CFAP43: variants seen among roughly 807,000 people sequenced by gnomAD.
The protein encoded by CFAP43 is cilia and flagella associated protein 43.
CFAP43 carries 155 observed loss-of-function variants against 218.9 expected under a neutral mutation model. The ratio of observed to expected loss-of-function variants is 0.71; its 90% CI spans 0.62 to 0.81. The LOEUF (loss-of-function observed/expected upper bound fraction) is 0.81, where lower values mean the gene tolerates loss of function less well. Among genes scored for constraint, CFAP43 ranks in the 30% least tolerant of loss-of-function variants. The probability of loss-of-function intolerance (pLI) is 0.00; values close to 1 mark genes in which losing one functional copy is unlikely to be tolerated. For missense variants in CFAP43, 1,778 were observed against 1,954.3 expected (o/e 0.91, Z 1.70); for synonymous variants, 645 against 681.3 (o/e 0.95, Z 0.83).
chr10:104,148,855 A>G (rs982832101), intron 28 of CFAP43, among the ~76,000 whole-genome samples: 3 of 152,228 alleles, frequency 2.0e-5, no homozygotes, highest in Admixed American at 2.0e-4. Context: ...TAGCCACTTC[A>G]GTATAACTTA....
chr10:104,145,861 ACTC>A (rs546408113), intron 30 of CFAP43, among the ~76,000 whole-genome samples: 215 of 152,244 alleles, frequency 1.4e-3, no homozygotes, highest in African/African-American at 5.1e-3. Context: ...CATGAATGTT[ACTC>A]TATTCTTTTC....
chr10:104,130,073 C>A lies in CFAP43; in HGVS notation c.*66G>T. ...TTCCCAGTAAGAAAGAAAAGGAAATCATTTTACCCAAATGAAATGATTTTT... is the reference window on the plus strand; with the variant it reads ...TTCCCAGTAAGAAAGAAAAGGAAATAATTTTACCCAAATGAAATGATTTTT... On this transcript the variant is annotated 3_prime_UTR_variant, in exon 38 of 38. Coordinates refer to ENST00000357060, the MANE Select transcript of CFAP43 (RefSeq NM_025145.7). 1 of 1,490,348 alleles carries A rather than the reference C, an allele frequency of 6.7e-7. No homozygotes were observed. Among genetic ancestry groups the A allele is most frequent in the Non-Finnish European group, 8.9e-7 (1 of 1,120,156 alleles). The allele number at this position is 1,490,348 out of a possible 1,614,324, so 92.3% of individuals were successfully genotyped here.
chr10:104,182,084 T>C (rs1262470895), intron 17 of CFAP43, among the ~76,000 whole-genome samples: 2 of 152,224 alleles, frequency 1.3e-5, no homozygotes, highest in Non-Finnish European at 2.9e-5. Flanking sequence ...AGAGAGACCA[T>C]TTTGACCAAG....
At chr10:104,146,852 A>G (rs544996769) in intron 29 of CFAP43, among the ~76,000 whole-genome samples, 1 of 152,194 alleles carries the variant, frequency 6.6e-6, no homozygotes, top group Admixed American at 6.5e-5. Flanking sequence ...ACCTAGGACC[A>G]TCCAGAGAAA....
intron 10 of CFAP43, among the ~76,000 whole-genome samples, chr10:104,195,316 A>G (rs185863502): frequency 3.9e-5 from 6 of 152,144 alleles, no homozygotes; most frequent in African/African-American, 4.8e-5. Context: ...TCCTGATTAT[A>G]TGGGCCCCTG....
chr10:104,200,362 G>A lies in CFAP43; in HGVS notation c.1096-2324C>T, dbSNP rs549020211. ...GAACAAACAGCCCAACCCTCAGTTC[G>A]GTCCGGGAACAAAGGTAACTTTAGA... is the stretch of plus-strand genomic sequence containing the variant. On this transcript the variant is annotated intron_variant, in intron 8 of 37. Coordinates refer to ENST00000357060, the MANE Select transcript of CFAP43 (RefSeq NM_025145.7). 3.9e-5 allele frequency among the ~76,000 whole-genome samples: 6 copies of A among 152,122 alleles called. No homozygotes were observed. The East Asian group carries it at 7.7e-4, about 20-fold the overall frequency.
At chr10:104,184,897 C>A in intron 16 of CFAP43, 119 bp downstream of exon 16, 1 of 1,454,178 alleles carries the variant, frequency 6.9e-7, no homozygotes, top group South Asian at 1.4e-5. Context: ...GTATAACAAA[C>A]TTTCTTTGCA....
chr10:104,168,956 TAG>T lies in CFAP43; in HGVS notation c.2587-110_2587-109del, dbSNP rs556288054. The T allele has an allele frequency of 4.6e-4, 396 of 856,992 alleles. 1 individual carries two copies. The highest frequency in any genetic ancestry group is 6.8e-4 in the Non-Finnish European group (367 of 539,750). The allele number at this position is 856,992 out of a possible 1,614,324, so 53.1% of individuals were successfully genotyped here. A position where few individuals can be genotyped will look rare whatever the true frequency, so the allele number is the denominator to read the frequency against. On this transcript the variant is annotated intron_variant, in intron 20 of 37. Transcript: ENST00000357060. ...TAGCCATTAACTGCACCTTCAGTGG[TAG>T]AGTTTGTCTTTCTCCAACACTTTGA...
intron 3 of CFAP43, among the ~76,000 whole-genome samples, chr10:104,219,261 A>C (rs1415660522): frequency 6.6e-6 from 1 of 152,072 alleles, no homozygotes; most frequent in Non-Finnish European, 1.5e-5. Flanking sequence ...ATATTTAGTC[A>C]GTTACAAGTC....
chr10:104,206,166 C>G, intron 6 of CFAP43, 136 bp from the exon 7 acceptor site: 1 of 658,574 alleles, frequency 1.5e-6, no homozygotes, highest in Non-Finnish European at 2.6e-6. Context: ...ATCTATGTAA[C>G]TAACATAGAT....
intron 3 of CFAP43, chr10:104,218,932 A>T (rs606697): frequency 0.22 from 97,899 of 452,042 alleles, 11,055 homozygotes; most frequent in South Asian, 0.23. Flanking sequence ...CACCACACCA[A>T]CCACAGCTGC....
chr10:104,192,130 T>C (rs1313569101), intron 12 of CFAP43, 69 bp downstream of exon 12: 6 of 1,194,622 alleles, frequency 5.0e-6, no homozygotes, highest in Admixed American at 4.6e-5. Context: ...ATATGAAAAG[T>C]CCATTTTCAT....
rs2090312994 is a variant in CFAP43, at chr10:104,194,024, A to G, written c.1294-10T>C. ...AAGCCAGAACCGTTGCCTGTTTAAA[A>G]TAAACCCCAGATGCGTATCTCTATT... On this transcript the variant is annotated splice_polypyrimidine_tract_variant and intron_variant, in intron 10 of 37. Transcript: ENST00000357060. 1.2e-6 allele frequency: 2 copies of G among 1,612,212 alleles called. No individual in the cohort carries two copies. Among genetic ancestry groups the G allele is most frequent in the East Asian group, 4.5e-5 (2 of 44,872 alleles).
At chr10:104,141,354 G>A (rs538636980) in intron 33 of CFAP43, among the ~76,000 whole-genome samples, 3 of 152,332 alleles carry the variant, frequency 2.0e-5, no homozygotes, top group South Asian at 2.1e-4. Context: ...GCTCATGCCT[G>A]TAATCCCAGC....
At chr10:104,211,494 C>T (rs2090861095) in intron 5 of CFAP43, among the ~76,000 whole-genome samples, 1 of 152,220 alleles carries the variant, frequency 6.6e-6, no homozygotes. Flanking sequence ...GGCCTTGTTC[C>T]TCCCTCCCGG....
At chr10:104,187,121 T>C (rs1403551662) in intron 14 of CFAP43, among the ~76,000 whole-genome samples, 199 bp downstream of exon 14, 2 of 152,236 alleles carry the variant, frequency 1.3e-5, no homozygotes, top group Admixed American at 6.5e-5. Context: ...GGCACAAGTA[T>C]CAGGTTGCTC....
intron 34 of CFAP43, among the ~76,000 whole-genome samples, chr10:104,140,101 A>G (rs1326145962): frequency 6.6e-6 from 1 of 151,816 alleles, no homozygotes; most frequent in Non-Finnish European, 1.5e-5. Flanking sequence ...TGTAGAATAC[A>G]GATAAAATAA....
intron 15 of CFAP43, 21 bp downstream of exon 15, chr10:104,185,953 T>G (rs1263600232): frequency 1.9e-6 from 3 of 1,605,314 alleles, no homozygotes; most frequent in Non-Finnish European, 2.5e-6. Flanking sequence ...CACAATATTT[T>G]TTTTTAAGAA....
chr10:104,211,502 C>T lies in CFAP43; in HGVS notation c.735+505G>A, dbSNP rs980642766. Among the ~76,000 whole-genome samples, 19 of 152,216 alleles carry T rather than the reference C, an allele frequency of 1.2e-4. 1 individual carries two copies. The highest frequency in any genetic ancestry group is 1.9e-4 in the African/African-American group (8 of 41,458). On this transcript the variant is annotated intron_variant, in intron 5 of 37. Transcript: ENST00000357060. The stretch of plus-strand genomic sequence containing the variant: ...TTCCTACGGCCTTGTTCCTCCCTCC[C>T]GGGTTTGCTCCTACTTCTGTGACTG...
Sources: allele counts gnomAD v4.1 joint callset (sites outside exome capture counted in the v4.1 genomes callset), GRCh38; gene constraint gnomAD v4.1.1; transcripts MANE v1.5; gene names NCBI Gene and HGNC (gene_info 2026-07-23, HGNC 2026-07-21).